The following ZNF705A variants were observed in gnomAD, a reference collection of about 807,000 sequenced individuals.
The protein encoded by ZNF705A is zinc finger protein 705A.
In ZNF705A, 8 loss-of-function variants were observed where a neutral mutation model predicts 16.6. The observed-to-expected ratio is 0.48, with a 90% confidence interval of 0.28 to 0.87. The LOEUF (loss-of-function observed/expected upper bound fraction) is 0.87, where lower values mean the gene tolerates loss of function less well. Among genes scored for constraint, ZNF705A ranks in the 40% least tolerant of loss-of-function variants. The pLI is 0.10. For synonymous variants in ZNF705A, 73 were observed against 117.3 expected, an observed-to-expected ratio of 0.62 and a Z score of 2.44; for missense variants, 233 against 359.9, an observed-to-expected ratio of 0.65 and a Z score of 2.85.
intron 1 of ZNF705A, among the ~76,000 whole-genome samples, chr12:8,164,587 T>C (rs1948382904): frequency 6.6e-6 from 1 of 152,234 alleles, no homozygotes. Context: ...TGTGCAGTGT[T>C]TGGTTTTCTG....
At chr12:8,167,208 C>G (rs1948406285) in intron 1 of ZNF705A, among the ~76,000 whole-genome samples, 1 of 152,178 alleles carries the variant, frequency 6.6e-6, no homozygotes, top group Non-Finnish European at 1.5e-5. Flanking sequence ...CTTGCTGTAT[C>G]CCTTGACTGG....
chr12:8,174,873 A>AT (rs71042341), intron 2 of ZNF705A, among the ~76,000 whole-genome samples: 2 of 151,752 alleles, frequency 1.3e-5, no homozygotes, highest in African/African-American at 2.4e-5. Context: ...TGTAAATCGA[A>AT]TTTTTTTTTG....
At chr12:8,157,640 G>C (rs1190141704) in intron 1 of ZNF705A, among the ~76,000 whole-genome samples, 1 of 152,110 alleles carries the variant, frequency 6.6e-6, no homozygotes, top group Non-Finnish European at 1.5e-5. Context: ...AGGAGTATAG[G>C]GAGAAGAGAA....
chr12:8,175,155 C>A (rs1045560331), intron 2 of ZNF705A, 73 bp from the exon 4 acceptor site: 2 of 729,604 alleles, frequency 2.7e-6, no homozygotes, highest in Non-Finnish European at 4.5e-6. Context: ...CCTTGATAGC[C>A]TGCCTTACAC....
At chr12:8,179,479 T>C (rs1308873138) in exon 5 of ZNF705A, 1 of 152,260 alleles carries the variant, frequency 6.6e-6, no homozygotes, top group African/African-American at 2.4e-5. Flanking sequence ...GTACTGAACC[T>C]AAAACTCAAG....
At chr12:8,173,282 A>T (rs754734160) in intron 1 of ZNF705A, among the ~76,000 whole-genome samples, 2 of 152,390 alleles carry the variant, frequency 1.3e-5, no homozygotes, top group East Asian at 3.9e-4. Flanking sequence ...CCTTTTGGTA[A>T]TTAACCTTTT....
chr12:8,175,383 G>A, intron 3 of ZNF705A, 60 bp downstream of exon 4: 3 of 1,149,950 alleles, frequency 2.6e-6, no homozygotes, highest in Non-Finnish European at 3.8e-6. Flanking sequence ...AATAATATCA[G>A]TTGAATATTA....
At chr12:8,161,233 A>G (rs772776908) in intron 1 of ZNF705A, among the ~76,000 whole-genome samples, 1 of 152,192 alleles carries the variant, frequency 6.6e-6, no homozygotes, top group South Asian at 2.1e-4. Flanking sequence ...TTTAGCATCT[A>G]TGTTCTTCAG....
chr12:8,172,872 A>G (rs1948456023), intron 1 of ZNF705A, among the ~76,000 whole-genome samples: 2 of 152,240 alleles, frequency 1.3e-5, no homozygotes, highest in Non-Finnish European at 2.9e-5. Context: ...AAAGACTCCT[A>G]AATTATCAAT....
chr12:8,167,418 C>G (rs1477824438), intron 1 of ZNF705A, among the ~76,000 whole-genome samples: 2 of 152,130 alleles, frequency 1.3e-5, no homozygotes, highest in African/African-American at 4.8e-5. Context: ...GGTTCAGTGT[C>G]TGTGCAATCA....
chr12:8,176,975 G>C (rs773193154), intron 4 of ZNF705A, 24 bp from the exon 6 acceptor site: 23 of 1,598,476 alleles, frequency 1.4e-5, no homozygotes, highest in Non-Finnish European at 1.9e-5. Flanking sequence ...AAACCATTAA[G>C]AGCTTTTAAT....
upstream of ZNF705A, among the ~76,000 whole-genome samples, chr12:8,170,191 C>CA (rs1376790278): frequency 7.3e-5 from 9 of 123,604 alleles, 1 homozygote; most frequent in Admixed American, 1.5e-4. Context: ...CTCTCCCCCC[C>CA]CCCCCAAAAA....
At chr12:8,170,196 C>CAAAAAAAAAA (rs1188328005), upstream of ZNF705A, among the ~76,000 whole-genome samples, 6 of 126,514 alleles carry the variant, frequency 4.7e-5, 1 homozygote, top group African/African-American at 1.8e-4. Flanking sequence ...CCCCCCCCCC[C>CAAAAAAAAAA]AAAAAAAAAA....
intron 1 of ZNF705A, among the ~76,000 whole-genome samples, chr12:8,160,679 A>G (rs908254108): frequency 6.6e-6 from 1 of 151,382 alleles, no homozygotes; most frequent in African/African-American, 2.4e-5. Context: ...TTAATCTTAT[A>G]TCTAGAAGCT....
At chr12:8,175,595 C>T (rs1394411422) in intron 3 of ZNF705A, among the ~76,000 whole-genome samples, 3 of 152,090 alleles carry the variant, frequency 2.0e-5, no homozygotes, top group Non-Finnish European at 2.9e-5. Flanking sequence ...GACTCTTTCC[C>T]TGATACCCCT....
chr12:8,178,092 A>G (rs1263079887), exon 5 of ZNF705A: 1 of 164,162 alleles, frequency 6.1e-6, no homozygotes, highest in East Asian at 1.8e-4. Context: ...TTTGCAATTT[A>G]TTGTCAAATA....
At chr12:8,166,898 G>T (rs1167710674) in intron 1 of ZNF705A, among the ~76,000 whole-genome samples, 2 of 152,242 alleles carry the variant, frequency 1.3e-5, no homozygotes, top group African/African-American at 2.4e-5. Context: ...ACCAGCCAAG[G>T]TCTCTGAAAT....
rs780271703 is a variant in ZNF705A, at chr12:8,175,436, G to T, written c.235+113G>T. 2.3e-6 allele frequency: 3 copies of T among 1,286,122 alleles called. No individual in the cohort carries two copies. In the South Asian group the frequency reaches 3.8e-5, roughly 16 times the overall value. 79.7% of individuals were successfully genotyped at this position (1,286,122 alleles called of 1,614,324 possible). A position where few individuals can be genotyped will look rare whatever the true frequency, so the allele number is the denominator to read the frequency against. ...ATGAGTGATAATTTCTAAAATGTAG[G>T]TTAGGCTACTGGAGCAGAATTCCTT... On this transcript the variant is annotated intron_variant, in intron 3 of 4. Transcript: ENST00000359286.
At chr12:8,171,840 G>A (rs1461185888), upstream of ZNF705A, among the ~76,000 whole-genome samples, 1 of 152,260 alleles carries the variant, frequency 6.6e-6, no homozygotes, top group East Asian at 1.9e-4. Context: ...GGGTTCAAGA[G>A]ATTCTCCTGC....
Sources: allele counts gnomAD v4.1 joint callset (sites outside exome capture counted in the v4.1 genomes callset), GRCh38; gene constraint gnomAD v4.1.1; transcripts MANE v1.5; gene names NCBI Gene and HGNC (gene_info 2026-07-23, HGNC 2026-07-21).